The following TTLL5 variants were observed in gnomAD, a reference collection of about 807,000 sequenced individuals.
TTLL5 encodes the protein tubulin tyrosine ligase like 5.
TTLL5 carries 132 observed loss-of-function variants against 168.4 expected under a neutral mutation model. That is an observed-to-expected ratio of 0.78 (90% confidence interval 0.68 to 0.91). The LOEUF is 0.91. TTLL5 is among the 40% of genes least tolerant of loss of function. The probability of loss-of-function intolerance (pLI) is 0.00; values close to 1 mark genes in which losing one functional copy is unlikely to be tolerated. For synonymous variants in TTLL5, 546 were observed against 558.6 expected (o/e 0.98, Z 0.32); for missense variants, 1,545 against 1,581.5 (o/e 0.98, Z 0.39).
chr14:75,922,607 G>C (rs2033866074), intron 31 of TTLL5, among the ~76,000 whole-genome samples: 1 of 152,194 alleles, frequency 6.6e-6, no homozygotes, highest in Non-Finnish European at 1.5e-5. Flanking sequence ...TAAGCTTTTT[G>C]ATGTGCTGCT....
intron 3 of TTLL5, among the ~76,000 whole-genome samples, chr14:75,680,431 A>G (rs1594858239): frequency 6.6e-6 from 1 of 152,130 alleles, no homozygotes; most frequent in South Asian, 2.1e-4. Flanking sequence ...CTAGAGTTGT[A>G]TACGAATTCT....
chr14:75,929,187 C>T (rs2034190037), intron 31 of TTLL5, among the ~76,000 whole-genome samples: 1 of 152,144 alleles, frequency 6.6e-6, no homozygotes, highest in Non-Finnish European at 1.5e-5. Flanking sequence ...AGCATAGCAG[C>T]AGCGTAGTAT....
At chr14:75,752,650 TTC>T (rs1890018505) in intron 17 of TTLL5, among the ~76,000 whole-genome samples, 1 of 152,202 alleles carries the variant, frequency 6.6e-6, no homozygotes, top group African/African-American at 2.4e-5. Context: ...TGGTTTTTCT[TTC>T]TGTTTTCTAC....
intron 18 of TTLL5, chr14:75,757,769 G>C (rs980515068): frequency 6.8e-7 from 1 of 1,465,450 alleles, no homozygotes; most frequent in Non-Finnish European, 9.1e-7. Flanking sequence ...ATGTGTGTGT[G>C]AACTTAAGAG....
At chr14:75,796,367 GTGT>G (rs1892998468) in intron 27 of TTLL5, among the ~76,000 whole-genome samples, 1 of 152,104 alleles carries the variant, frequency 6.6e-6, no homozygotes, top group Admixed American at 6.6e-5. Flanking sequence ...TTCTCCCACT[GTGT>G]GGGTTGTCTG....
At chr14:75,745,433 G>A in intron 16 of TTLL5, 57 bp from the exon 17 acceptor site, 2 of 1,548,264 alleles carry the variant, frequency 1.3e-6, no homozygotes, top group Non-Finnish European at 1.8e-6. Flanking sequence ...TTGTCCTATA[G>A]CCACATGGAC....
chr14:75,792,892 G>A (rs1444494380), intron 26 of TTLL5, 24 bp from the exon 27 acceptor site: 1 of 1,516,634 alleles, frequency 6.6e-7, no homozygotes, highest in Non-Finnish European at 8.9e-7. Context: ...CTAAATGAGT[G>A]AAAACTTTTC....
At chr14:75,893,370 C>T (rs936043940) in intron 30 of TTLL5, among the ~76,000 whole-genome samples, 2 of 152,126 alleles carry the variant, frequency 1.3e-5, no homozygotes, top group African/African-American at 4.8e-5. Flanking sequence ...CTAAATATTA[C>T]CAGGGAGAAA....
intron 31 of TTLL5, among the ~76,000 whole-genome samples, chr14:75,917,702 A>C (rs2033669646): frequency 6.6e-6 from 1 of 152,216 alleles, no homozygotes; most frequent in Non-Finnish European, 1.5e-5. Context: ...GATCTTTCCC[A>C]CATGCCCGAA....
At chr14:75,686,443 C>G (rs777699241) in intron 5 of TTLL5, among the ~76,000 whole-genome samples, 10 of 152,204 alleles carry the variant, frequency 6.6e-5, no homozygotes, top group Non-Finnish European at 1.3e-4. Context: ...TGTCTTGGGT[C>G]CCATCTGGAA....
intron 5 of TTLL5, among the ~76,000 whole-genome samples, chr14:75,686,349 C>G (rs1451729009): frequency 1.3e-5 from 2 of 152,180 alleles, no homozygotes; most frequent in Admixed American, 1.3e-4. Context: ...ATATCCATCT[C>G]TCAATGATGT....
At chr14:75,918,967 C>T (rs1209635641) in intron 31 of TTLL5, among the ~76,000 whole-genome samples, 5 of 151,972 alleles carry the variant, frequency 3.3e-5, no homozygotes, top group Admixed American at 1.3e-4. Context: ...CTTTGGGAGG[C>T]TGAGGCAGGT....
chr14:75,917,554 G>A (rs1218036356), intron 31 of TTLL5, among the ~76,000 whole-genome samples: 2 of 152,172 alleles, frequency 1.3e-5, no homozygotes, highest in East Asian at 3.8e-4. Context: ...CAGTAGGGGG[G>A]CATGTGTAGT....
In TTLL5 at chr14:75,795,094, G is replaced by A. The variant is rs150123685; in HGVS notation, c.3171+1994G>A. 8.5e-3 allele frequency among the ~76,000 whole-genome samples: 1,296 copies of A among 151,682 alleles called. 27 individuals carry two copies. The highest frequency in any genetic ancestry group is 0.081 in the South Asian group (388 of 4,788). ...CTTGGACAGTTCATTCTACTCTTCT[G>A]ACACTGACTAGCTGTGTGATCTTGG... On this transcript the variant is annotated intron_variant, in intron 27 of 31. Transcript: ENST00000298832.
intron 3 of TTLL5, among the ~76,000 whole-genome samples, chr14:75,670,000 G>A (rs1166841010): frequency 1.3e-5 from 2 of 152,106 alleles, no homozygotes; most frequent in African/African-American, 2.4e-5. Flanking sequence ...TATAAATGGA[G>A]TCATGTGATA....
At position 75,779,693 on chromosome 14, in the gene TTLL5, G is replaced by A. The variant is rs1162182847; in HGVS notation, c.2506G>A (p.Ala836Thr). The A allele has an allele frequency of 1.2e-6, 2 of 1,611,034 alleles. No individual in the cohort carries two copies. The highest frequency in any genetic ancestry group is 1.7e-6 in the Non-Finnish European group (2 of 1,179,162). Residue 836 changes from alanine to threonine, a missense_variant, in exon 24 of 32, where the codon GCA becomes ACA. Transcript: ENST00000298832. Reference protein sequence around the residue: ...KNNNNYSDSGAKGDHPETIME... With the variant: ...KNNNNYSDSGTKGDHPETIME... ...CAACAACAATTATTCTGATAGTGGG[G>A]CAAAAGGTGGTAAGTATACTGGTTA...
At chr14:75,778,865 G>A (rs536361664) in intron 23 of TTLL5, among the ~76,000 whole-genome samples, 2 of 152,338 alleles carry the variant, frequency 1.3e-5, no homozygotes, top group South Asian at 2.1e-4. Flanking sequence ...AAGTGATTTA[G>A]AGATGATATA....
intron 21 of TTLL5, among the ~76,000 whole-genome samples, chr14:75,773,324 A>G (rs1891459244): frequency 6.6e-6 from 1 of 152,228 alleles, no homozygotes; most frequent in African/African-American, 2.4e-5. Flanking sequence ...TTTTAATATA[A>G]CAGCTTAAAC....
At chr14:75,815,198 C>G (rs539433029) in intron 27 of TTLL5, among the ~76,000 whole-genome samples, 24 of 152,230 alleles carry the variant, frequency 1.6e-4, no homozygotes, top group Admixed American at 1.2e-3. Context: ...ATCCACAAGT[C>G]TAAGAATAGA....
Sources: allele counts gnomAD v4.1 joint callset (sites outside exome capture counted in the v4.1 genomes callset), GRCh38; gene constraint gnomAD v4.1.1; transcripts MANE v1.5; gene names NCBI Gene and HGNC (gene_info 2026-07-23, HGNC 2026-07-21).